GOLGA4: variants seen among roughly 807,000 people sequenced by gnomAD.
The protein encoded by GOLGA4 is golgin A4.
In GOLGA4, 169 loss-of-function variants were observed where a neutral mutation model predicts 265.9. That is an observed-to-expected ratio of 0.64 (90% confidence interval 0.56 to 0.72). GOLGA4 has a LOEUF of 0.72. Among genes scored for constraint, GOLGA4 ranks in the 30% least tolerant of loss-of-function variants. GOLGA4 has a pLI of 0.00. For synonymous variants in GOLGA4, 923 were observed against 855.8 expected, an observed-to-expected ratio of 1.08 and a Z score of -1.37; for missense variants, 2,482 against 2,483.4, an observed-to-expected ratio of 1.00 and a Z score of 0.01.
intron 19 of GOLGA4, among the ~76,000 whole-genome samples, chr3:37,338,374 A>G (rs2097021447): frequency 6.6e-6 from 1 of 152,204 alleles, no homozygotes; most frequent in Non-Finnish European, 1.5e-5. Flanking sequence ...CATTAATTGT[A>G]CTATATTTTC....
intron 15 of GOLGA4, 86 bp from the exon 16 acceptor site, chr3:37,328,877 G>A (rs938227850): frequency 1.9e-6 from 2 of 1,070,940 alleles, no homozygotes; most frequent in Non-Finnish European, 1.3e-6. Context: ...AAATTAATTG[G>A]AATGAGAGTT....
Position 37,295,028 on chromosome 3 carries a change from A to G in GOLGA4, c.632A>G (p.Asp211Gly). 1 of 1,610,792 alleles carries G rather than the reference A, an allele frequency of 6.2e-7. No individual in the cohort carries two copies. The highest frequency in any genetic ancestry group is 8.5e-7 in the Non-Finnish European group (1 of 1,177,684). ...QAKKHLQEEF[D>G]ASLEEKDQYI... The stretch of plus-strand genomic sequence containing the variant: ...AAGAAACATCTGCAAGAGGAGTTTG[A>G]TGCATCTTTAGAGGAGAAAGATCAG... Residue 211 changes from aspartate (D) to glycine (G), a missense_variant, in exon 6 of 24, where the codon GAT (aspartate) becomes GGT (glycine). Asp to Gly is a moderately conservative substitution (Grantham distance 94, BLOSUM62 -1). Around this residue, in one of 3 missense-constraint regions of GOLGA4, gnomAD observed 1,536 missense variants for 1,483.7 expected, o/e 1.04. Coordinates refer to ENST00000361924, the MANE Select transcript of GOLGA4 (RefSeq NM_002078.5).
intron 21 of GOLGA4, among the ~76,000 whole-genome samples, chr3:37,349,002 A>G (rs1412721072): frequency 2.6e-5 from 4 of 152,150 alleles, no homozygotes; most frequent in African/African-American, 9.7e-5. Flanking sequence ...AGCCCCATCT[A>G]ATAAGCTGGC....
At chr3:37,329,197 GGT>G in intron 16 of GOLGA4, 104 bp downstream of exon 16, 2 of 965,810 alleles carry the variant, frequency 2.1e-6, no homozygotes, top group Admixed American at 6.0e-5. Context: ...GAACGAAAAG[GGT>G]TTTTTTTTTT....
intron 22 of GOLGA4, among the ~76,000 whole-genome samples, 163 bp downstream of exon 22, chr3:37,355,350 A>G (rs891887133): frequency 2.6e-5 from 4 of 152,136 alleles, no homozygotes; most frequent in Non-Finnish European, 5.9e-5. Flanking sequence ...AAGAAATTTA[A>G]CCAAGGGTAA....
intron 10 of GOLGA4, among the ~76,000 whole-genome samples, chr3:37,304,742 A>G (rs936688681): frequency 2.0e-5 from 3 of 152,220 alleles, no homozygotes; most frequent in Non-Finnish European, 4.4e-5. Flanking sequence ...GTTCATTTAC[A>G]TGCGGATAAA....
rs201794422 is a variant in GOLGA4, at chr3:37,327,427, A to G, written c.5541A>G (p.Leu1847=). 1 of 1,613,472 alleles carries G rather than the reference A, an allele frequency of 6.2e-7. No homozygotes were observed. The highest frequency in any genetic ancestry group is 8.5e-7 in the Non-Finnish European group (1 of 1,179,742). Residue 1847 remains leucine (L), a synonymous_variant, in exon 14 of 24, where the codon CTA becomes CTG. Transcript: ENST00000361924. The stretch of plus-strand genomic sequence containing the variant: ...AGAAAACCCTCCAGGAGAAGGAACT[A>G]ACCTGTCAGATTTTGGAGCAAAAGA... ...DVQKTLQEKE[L]TCQILEQKIK...
rs1198734947 is a variant in GOLGA4, at chr3:37,326,262, C to T, written c.4376C>T (p.Thr1459Ile). 1.2e-6 allele frequency: 2 copies of T among 1,613,290 alleles called. No homozygotes were observed. The highest frequency in any genetic ancestry group is 1.7e-6 in the Non-Finnish European group (2 of 1,179,606). ...TCAAGATTTACACAGCATCAAAACA[C>T]TGTTAAAGAATTGCAGATCCAGCTT... ...AQSRFTQHQN[T>I]VKELQIQLEL... The change falls in exon 14 of 24, where the codon ACT (threonine) becomes ATT (isoleucine). Residue 1459 changes from threonine to isoleucine, a missense_variant. Transcript: ENST00000361924.
chr3:37,250,934 A>G (rs1285977512), intron 1 of GOLGA4, among the ~76,000 whole-genome samples: 2 of 152,140 alleles, frequency 1.3e-5, no homozygotes, highest in African/African-American at 4.8e-5. Flanking sequence ...CATACTATTG[A>G]ATGTTAGAGC....
chr3:37,365,101 TG>T (rs1287216057), intron 23 of GOLGA4, among the ~76,000 whole-genome samples: 1 of 152,196 alleles, frequency 6.6e-6, no homozygotes, highest in Non-Finnish European at 1.5e-5. Flanking sequence ...CTCACTATGT[TG>T]CCCAGGCTGT....
chr3:37,325,591 A>G lies in GOLGA4; in HGVS notation c.3705A>G (p.Leu1235=), dbSNP rs200142784. 19 of 1,612,204 alleles carry G rather than the reference A, an allele frequency of 1.2e-5. No individual in the cohort carries two copies. Among genetic ancestry groups the G allele is most frequent in the Admixed American group, 1.0e-4 (6 of 59,980 alleles). Residue 1235 remains leucine, a synonymous_variant, in exon 14 of 24, where the codon CTA becomes CTG. Coordinates refer to ENST00000361924, the MANE Select transcript of GOLGA4 (RefSeq NM_002078.5). The part of the protein sequence containing the change: ...EALLEAKTNE[L]INISSSKTNA... ...TATTAGAAGCTAAAACAAATGAGCT[A>G]ATCAACATTAGTAGTAGTAAAACTA... is the stretch of plus-strand genomic sequence containing the variant.
rs2096877574 is a variant in GOLGA4 at position 37,296,101 on chromosome 3, A to G, written c.696A>G (p.Lys232=). The G allele has an allele frequency of 6.2e-7, 1 of 1,613,978 alleles. No homozygotes were observed. Among genetic ancestry groups the G allele is most frequent in the East Asian group, 2.2e-5 (1 of 44,884 alleles). ...ATTTATATTAGGTTTCTCTACTGAA[A>G]CAACGATTACGAAATGGCCCGATGA... ...SVLQTQVSLL[K]QRLRNGPMNV... is the part of the protein sequence containing the mutation. Residue 232 remains lysine (K), a synonymous_variant, in exon 7 of 24, where the codon AAA becomes AAG. Coordinates refer to ENST00000361924, the MANE Select transcript of GOLGA4 (RefSeq NM_002078.5).
chr3:37,249,104 G>A (rs2096727143), intron 1 of GOLGA4, among the ~76,000 whole-genome samples: 1 of 152,188 alleles, frequency 6.6e-6, no homozygotes, highest in Non-Finnish European at 1.5e-5. Flanking sequence ...GGCAGCCTTT[G>A]AGGCACCTAC....
intron 16 of GOLGA4, among the ~76,000 whole-genome samples, chr3:37,334,360 C>G (rs1465967318): frequency 6.6e-6 from 1 of 152,038 alleles, no homozygotes; most frequent in Non-Finnish European, 1.5e-5. Context: ...GCACGTTGGA[C>G]AGTAACTCAT....
chr3:37,286,900 T>A (rs1374255660), intron 4 of GOLGA4, among the ~76,000 whole-genome samples: 2 of 152,222 alleles, frequency 1.3e-5, no homozygotes, highest in African/African-American at 4.8e-5. Flanking sequence ...GTGACCCACC[T>A]TGGCCCCACT....
chr3:37,262,232 G>A (rs139610300), intron 2 of GOLGA4, among the ~76,000 whole-genome samples: 28 of 152,266 alleles, frequency 1.8e-4, no homozygotes, highest in Non-Finnish European at 2.8e-4. Flanking sequence ...TTGGCCGGGC[G>A]TGGTGGCTCA....
chr3:37,362,897 C>T (rs572272113), intron 23 of GOLGA4, among the ~76,000 whole-genome samples: 1 of 151,464 alleles, frequency 6.6e-6, no homozygotes, highest in East Asian at 2.0e-4. Flanking sequence ...ATTCTCCTCC[C>T]TCAGCCTCCT....
intron 11 of GOLGA4, among the ~76,000 whole-genome samples, chr3:37,317,162 A>AT (rs1056230676): frequency 9.3e-5 from 14 of 151,216 alleles, no homozygotes. Context: ...CAAGTTATGA[A>AT]TTTTTTTTCT....
chr3:37,347,150 CT>C, intron 20 of GOLGA4, 42 bp from the exon 21 acceptor site: 1 of 1,134,900 alleles, frequency 8.8e-7, no homozygotes, highest in Non-Finnish European at 1.3e-6. Context: ...AGTAGTTTAC[CT>C]GGTTTTGTCT....
Sources: gnomAD v4.1 joint callset for allele counts (sites outside exome capture counted in the v4.1 genomes callset) on GRCh38, gnomAD v4.1.1 for gene constraint, gnomAD v4.1.1 regional missense constraint, MANE v1.5 for transcripts, NCBI Gene and HGNC (gene_info 2026-07-23, HGNC 2026-07-21) for gene names.